The following RALGAPA1 variants were observed in gnomAD, a reference collection of about 807,000 sequenced individuals.
RALGAPA1 encodes the protein Ral GTPase activating protein catalytic subunit alpha 1.
Under a neutral mutation model 269.6 loss-of-function variants are expected in RALGAPA1, and 52 were observed. That is an observed-to-expected ratio of 0.19 (90% confidence interval 0.15 to 0.24). The LOEUF is 0.24. Ranked by LOEUF, RALGAPA1 falls within the 10% of genes least tolerant of loss-of-function variation. RALGAPA1 has a pLI of 1.00. For synonymous variants in RALGAPA1, 817 were observed against 1,008.3 expected (o/e 0.81, Z 3.60); for missense variants, 1,917 against 3,013.9 (o/e 0.64, Z 8.52).
At chr14:35,662,940 G>A (rs561963554) in intron 27 of RALGAPA1, among the ~76,000 whole-genome samples, 1 of 141,878 alleles carries the variant, frequency 7.0e-6, no homozygotes, top group African/African-American at 2.6e-5. Flanking sequence ...CCTTTTTTGG[G>A]GGGGGGGTGG....
chr14:35,589,574 A>C (rs930819452), intron 37 of RALGAPA1, among the ~76,000 whole-genome samples: 1 of 152,186 alleles, frequency 6.6e-6, no homozygotes, highest in Non-Finnish European at 1.5e-5. Flanking sequence ...ATATATGAGA[A>C]ATATACTTAA....
At chr14:35,612,970 A>C (rs1418331124) in intron 35 of RALGAPA1, among the ~76,000 whole-genome samples, 2 of 152,222 alleles carry the variant, frequency 1.3e-5, no homozygotes, top group East Asian at 3.8e-4. Flanking sequence ...CAATTTACAG[A>C]ATGAGAAAAA....
At position 35,738,623 on chromosome 14, in the gene RALGAPA1, C is replaced by T; in HGVS notation, c.1477G>A (p.Val493Ile). ...TTTTTTGCCCAACTGGAATTTCGAA[C>T]ATGATCAGCAGTATTGGTCCCATTT... ...EENGTNTADH[V>I]RNSSWAKNGS... Residue 493 changes from valine (V) to isoleucine (I), a missense_variant, in exon 12 of 42, where the codon GTT (valine) becomes ATT (isoleucine). Around this residue, in one of 11 missense-constraint regions of RALGAPA1, gnomAD observed 462 missense variants for 725.6 expected, o/e 0.64. Transcript: ENST00000680220. 6.2e-7 allele frequency: 1 copy of T among 1,612,862 alleles called. No homozygotes were observed. Among genetic ancestry groups the T allele is most frequent in the Non-Finnish European group, 8.5e-7 (1 of 1,179,426 alleles).
In RALGAPA1 at chr14:35,727,310, CATATATATATATATATAT is replaced by C. The variant is rs34288628; in HGVS notation, c.1736+1034_1736+1051del. Among the ~76,000 whole-genome samples, 27 of 104,488 alleles carry C rather than the reference CATATATATATATATATAT, an allele frequency of 2.6e-4. 1 individual carries two copies. Among genetic ancestry groups the C allele is most frequent in the African/African-American group, 9.1e-4 (23 of 25,316 alleles). The allele number at this position is 104,488 out of a possible 152,430, so 68.5% of individuals were successfully genotyped here. On this transcript the variant is annotated intron_variant, in intron 13 of 41. Coordinates refer to ENST00000680220, the MANE Select transcript of RALGAPA1 (RefSeq NM_001346249.2). ...ACAGGACTGGTTAAGAAAATTATGG[CATATATATATATATATAT>C]ATATATATATATATATATAGTATAA...
intron 35 of RALGAPA1, among the ~76,000 whole-genome samples, chr14:35,622,272 C>G (rs1020010571): frequency 8.5e-5 from 13 of 152,220 alleles, no homozygotes; most frequent in Admixed American, 8.5e-4. Context: ...GGATAGAAAA[C>G]CAAACACCAC....
chr14:35,742,413 G>A lies in RALGAPA1; in HGVS notation c.1404C>T (p.Val468=). ...TSSDLPCIEN[V]TDHDISMEEG... ...CTTCCATTGAAATATCATGGTCTGT[G>A]ACATTTTCAATGCAAGGGAGGTCTG... The change falls in exon 11 of 42, where the codon GTC becomes GTT. Residue 468 remains valine (V), a synonymous_variant. Coordinates refer to ENST00000680220, the MANE Select transcript of RALGAPA1 (RefSeq NM_001346249.2). 1.2e-6 allele frequency: 2 copies of A among 1,605,110 alleles called. No homozygotes were observed. The highest frequency in any genetic ancestry group is 8.5e-7 in the Non-Finnish European group (1 of 1,174,244).
intron 17 of RALGAPA1, among the ~76,000 whole-genome samples, chr14:35,696,952 G>T (rs989126555): frequency 1.3e-5 from 2 of 152,112 alleles, no homozygotes. Context: ...TCAAACCTTG[G>T]AAGAAACATC....
intron 10 of RALGAPA1, 39 bp downstream of exon 10, chr14:35,748,546 G>A (rs1401465923): frequency 1.3e-6 from 2 of 1,560,148 alleles, no homozygotes; most frequent in East Asian, 2.3e-5. Flanking sequence ...AAAGATAAAA[G>A]CCTTCCTTAT....
At chr14:35,713,708 G>C (rs2068561710) in intron 16 of RALGAPA1, among the ~76,000 whole-genome samples, 1 of 152,054 alleles carries the variant, frequency 6.6e-6, no homozygotes, top group Non-Finnish European at 1.5e-5. Context: ...ATATGGACAT[G>C]AATTTGTCAG....
intron 21 of RALGAPA1, among the ~76,000 whole-genome samples, chr14:35,680,660 G>T (rs2065352794): frequency 6.6e-6 from 1 of 151,418 alleles, no homozygotes; most frequent in Non-Finnish European, 1.5e-5. Context: ...TGTCCCCCAG[G>T]CTGGAGTGCA....
At chr14:35,609,585 A>G (rs924259042) in intron 35 of RALGAPA1, among the ~76,000 whole-genome samples, 6 of 152,208 alleles carry the variant, frequency 3.9e-5, no homozygotes, top group African/African-American at 4.8e-5. Context: ...TCAGAATGAA[A>G]GAACAAAAAG....
Position 35,807,575 on chromosome 14 carries a change from C to A in RALGAPA1, c.106+1155G>T, listed in dbSNP as rs149810498. On this transcript the variant is annotated intron_variant, in intron 1 of 41. Transcript: ENST00000680220. ...TGGCTGACTACTCGATGTTCCCAAA[C>A]TTCAGCTTTTTTGTTGGTAAAAAAT... Among the ~76,000 whole-genome samples, 7 of 152,324 alleles carry A rather than the reference C, an allele frequency of 4.6e-5. No homozygotes were observed. In the East Asian group the frequency reaches 1.3e-3, roughly 29 times the overall value.
intron 1 of RALGAPA1, among the ~76,000 whole-genome samples, chr14:35,778,072 TG>T (rs34585130): frequency 0.11 from 16,992 of 152,022 alleles, 1,575 homozygotes; most frequent in East Asian, 0.37. Flanking sequence ...ATTACAATTT[TG>T]GGGGGGAGAC....
Position 35,788,079 on chromosome 14 carries a change from C to A in RALGAPA1, c.107-12334G>T, listed in dbSNP as rs539601364. ...TTCTGCCTCCTGGATTCAAGCGATT[C>A]TCCTGCCTCAGCCTCCCGGGTAGCT... is the stretch of plus-strand genomic sequence containing the variant. On this transcript the variant is annotated intron_variant, in intron 1 of 41. Transcript: ENST00000680220. 2.6e-5 allele frequency among the ~76,000 whole-genome samples: 4 copies of A among 152,302 alleles called. No individual in the cohort carries two copies. In the South Asian group the frequency reaches 8.3e-4, roughly 32 times the overall value.
At chr14:35,618,937 G>C (rs1245956258) in intron 35 of RALGAPA1, among the ~76,000 whole-genome samples, 2 of 151,990 alleles carry the variant, frequency 1.3e-5, no homozygotes, top group African/African-American at 4.8e-5. Context: ...ATGGTGCTTT[G>C]CTTTTTCTAC....
rs369138007 is a variant in RALGAPA1 at position 35,644,143 on chromosome 14, T to C, written c.5676+7662A>G. 1.2e-4 allele frequency among the ~76,000 whole-genome samples: 18 copies of C among 152,298 alleles called. No homozygotes were observed. In the East Asian group the frequency reaches 2.3e-3, roughly 20 times the overall value. On this transcript the variant is annotated intron_variant, in intron 31 of 41. Coordinates refer to ENST00000680220, the MANE Select transcript of RALGAPA1 (RefSeq NM_001346249.2). ...TGTATGTCTCTGTCAAAATATCCCATGCACTCCATAAATATATACACCTAC... is the reference window on the plus strand; with the variant it reads ...TGTATGTCTCTGTCAAAATATCCCACGCACTCCATAAATATATACACCTAC...
chr14:35,606,770 A>G (rs1261865663), intron 35 of RALGAPA1, among the ~76,000 whole-genome samples: 1 of 151,300 alleles, frequency 6.6e-6, no homozygotes, highest in African/African-American at 2.4e-5. Context: ...AAAAAAAAAA[A>G]CCCTGCAACA....
rs527751475 is a variant in RALGAPA1 at position 35,649,281 on chromosome 14, G to A, written c.5676+2524C>T. Among the ~76,000 whole-genome samples the A allele has an allele frequency of 2.6e-5, 4 of 152,184 alleles. No homozygotes were observed. The South Asian group carries it at 6.2e-4, about 24-fold the overall frequency. ...TATTCCTTTAGCCTTAGCTCAGAAC[G>A]TCATCAATTCTTATAAAGATGATTT... On this transcript the variant is annotated intron_variant, in intron 31 of 41. Coordinates refer to ENST00000680220, the MANE Select transcript of RALGAPA1 (RefSeq NM_001346249.2).
chr14:35,765,173 C>T (rs1187785001), intron 4 of RALGAPA1, among the ~76,000 whole-genome samples: 1 of 152,100 alleles, frequency 6.6e-6, no homozygotes, highest in African/African-American at 2.4e-5. Context: ...CTCCATGTTC[C>T]TTTTCATTCA....
Sources: allele counts gnomAD v4.1 joint callset (sites outside exome capture counted in the v4.1 genomes callset), GRCh38; gene constraint gnomAD v4.1.1; regional missense constraint gnomAD v4.1.1; transcripts MANE v1.5; gene names NCBI Gene and HGNC (gene_info 2026-07-23, HGNC 2026-07-21).